TDRD3: variants seen among roughly 807,000 people sequenced by gnomAD.
The protein encoded by TDRD3 is tudor domain containing 3.
In TDRD3, 45 loss-of-function variants were observed where a neutral mutation model predicts 86.7. That is an observed-to-expected ratio of 0.52 (90% confidence interval 0.41 to 0.67). The LOEUF is 0.67. Among genes scored for constraint, TDRD3 ranks in the 30% least tolerant of loss-of-function variants. The pLI is 0.00. For missense variants in TDRD3, 814 were observed against 889.0 expected (o/e 0.92, Z 1.07); for synonymous variants, 298 against 301.7 (o/e 0.99, Z 0.13).
At chr13:60,490,499 T>A (rs1481484918) in intron 7 of TDRD3, among the ~76,000 whole-genome samples, 1 of 152,146 alleles carries the variant, frequency 6.6e-6, no homozygotes, top group Non-Finnish European at 1.5e-5. Context: ...TGTAGGGCCC[T>A]GTAAACTATT....
chr13:60,481,905 A>G (rs1425291434), intron 5 of TDRD3, among the ~76,000 whole-genome samples: 1 of 152,200 alleles, frequency 6.6e-6, no homozygotes, highest in Admixed American at 6.5e-5. Context: ...ACTTTTGATC[A>G]GTTTGACCCC....
At chr13:60,438,331 T>C (rs1482038906) in intron 1 of TDRD3, among the ~76,000 whole-genome samples, 1 of 152,152 alleles carries the variant, frequency 6.6e-6, no homozygotes, top group East Asian at 1.9e-4. Flanking sequence ...TTGTATTCCA[T>C]GGTCACTTAT....
At chr13:60,467,164 C>G (rs1463019562) in intron 4 of TDRD3, 74 bp from the exon 5 acceptor site, 1 of 1,560,312 alleles carries the variant, frequency 6.4e-7, no homozygotes, top group Non-Finnish European at 8.7e-7. Context: ...AGGCCCCGGT[C>G]TGTGTTGTTT....
chr13:60,461,390 G>A (rs1444055988), intron 4 of TDRD3, among the ~76,000 whole-genome samples: 1 of 152,130 alleles, frequency 6.6e-6, no homozygotes. Flanking sequence ...CAATGGAATG[G>A]ACGAAAACAA....
Position 60,554,413 on chromosome 13 carries a change from C to T in TDRD3, c.2119-13112C>T, listed in dbSNP as rs142385020. 9.2e-3 allele frequency among the ~76,000 whole-genome samples: 1,393 copies of T among 152,196 alleles called. 19 individuals carry two copies. Among genetic ancestry groups the T allele is most frequent in the African/African-American group, 0.032 (1,327 of 41,518 alleles). ...TCTTTGAGCCTTAATTAATAATCTCCAGTCTTACACATTGCTTTACAATAT... is the reference window on the plus strand; with the variant it reads ...TCTTTGAGCCTTAATTAATAATCTCTAGTCTTACACATTGCTTTACAATAT... On this transcript the variant is annotated intron_variant, in intron 12 of 13. Coordinates refer to ENST00000377881, the MANE Select transcript of TDRD3 (RefSeq NM_001146070.2).
At chr13:60,470,394 G>C (rs1209194784) in intron 5 of TDRD3, among the ~76,000 whole-genome samples, 1 of 152,018 alleles carries the variant, frequency 6.6e-6, no homozygotes, top group Non-Finnish European at 1.5e-5. Context: ...ATCTAGAAGT[G>C]GGATTGCTGG....
intron 1 of TDRD3, among the ~76,000 whole-genome samples, chr13:60,421,620 T>A (rs1954661823): frequency 1.3e-5 from 2 of 152,190 alleles, no homozygotes; most frequent in Admixed American, 1.3e-4. Flanking sequence ...CCCCAAACTA[T>A]ACGGATGACT....
At chr13:60,555,601 G>T (rs1958164555) in intron 12 of TDRD3, among the ~76,000 whole-genome samples, 1 of 152,092 alleles carries the variant, frequency 6.6e-6, no homozygotes, top group South Asian at 2.1e-4. Flanking sequence ...GGAGGTAAAT[G>T]ATACCAACGT....
chr13:60,421,761 T>C (rs1034101612), intron 1 of TDRD3, among the ~76,000 whole-genome samples: 1 of 152,170 alleles, frequency 6.6e-6, no homozygotes, highest in Non-Finnish European at 1.5e-5. Context: ...CACACACTCC[T>C]GTGCCAATCT....
At chr13:60,437,497 T>G (rs1264194466) in intron 1 of TDRD3, among the ~76,000 whole-genome samples, 1 of 151,952 alleles carries the variant, frequency 6.6e-6, no homozygotes, top group African/African-American at 2.4e-5. Context: ...TAACTTTGCA[T>G]CTTCTAAATT....
intron 1 of TDRD3, among the ~76,000 whole-genome samples, chr13:60,398,658 T>C (rs1359029576): frequency 6.6e-6 from 1 of 152,238 alleles, no homozygotes; most frequent in Non-Finnish European, 1.5e-5. Context: ...AAAGAGCTGT[T>C]AAGTAACTTT....
intron 1 of TDRD3, among the ~76,000 whole-genome samples, chr13:60,401,097 G>C (rs188090533): frequency 1.3e-5 from 2 of 152,146 alleles, no homozygotes; most frequent in Admixed American, 1.3e-4. Context: ...GCCTTGCAGT[G>C]AATCAACTAA....
In TDRD3 at chr13:60,569,100, C is replaced by G. The variant is rs577497858; in HGVS notation, c.*9+1450C>G. Among the ~76,000 whole-genome samples, 8 of 152,250 alleles carry G rather than the reference C, an allele frequency of 5.3e-5. No individual in the cohort carries two copies. The East Asian group carries it at 1.5e-3, about 29-fold the overall frequency. ...CCTGCCATCTCAGCCTCCCTAGTAG[C>G]TGGGACCACAGGTGCACACCACCAT... On this transcript the variant is annotated intron_variant, in intron 13 of 13. Transcript: ENST00000377881.
chr13:60,464,538 ATATGTATG>A (rs1331034714), intron 4 of TDRD3, among the ~76,000 whole-genome samples: 1 of 152,146 alleles, frequency 6.6e-6, no homozygotes, highest in Non-Finnish European at 1.5e-5. Flanking sequence ...TAAAGAAAAC[ATATGTATG>A]TATGTATATG....
At chr13:60,439,846 TG>T in intron 2 of TDRD3, 74 bp downstream of exon 2, 1 of 987,872 alleles carries the variant, frequency 1.0e-6, no homozygotes. Flanking sequence ...CAGAGTAAAT[TG>T]GGTTATATGA....
intron 3 of TDRD3, among the ~76,000 whole-genome samples, chr13:60,448,146 T>C (rs940010540): frequency 2.0e-5 from 3 of 152,146 alleles, no homozygotes; most frequent in African/African-American, 7.2e-5. Flanking sequence ...AATGCTGTTT[T>C]CAGCATTTGG....
At chr13:60,461,946 C>T (rs1347997653) in intron 4 of TDRD3, among the ~76,000 whole-genome samples, 1 of 152,098 alleles carries the variant, frequency 6.6e-6, no homozygotes, top group African/African-American at 2.4e-5. Flanking sequence ...AGTGGGTATG[C>T]GAGAGGAAAT....
At chr13:60,455,040 A>G (rs1955634808) in intron 3 of TDRD3, among the ~76,000 whole-genome samples, 1 of 152,022 alleles carries the variant, frequency 6.6e-6, no homozygotes, top group African/African-American at 2.4e-5. Context: ...CAGCCTCCCA[A>G]GTAGCTGGGA....
At chr13:60,556,281 T>C (rs1335047463) in intron 12 of TDRD3, among the ~76,000 whole-genome samples, 1 of 152,222 alleles carries the variant, frequency 6.6e-6, no homozygotes, top group African/African-American at 2.4e-5. Flanking sequence ...CATTTAGATG[T>C]TACCCTTTTA....
Sources: gnomAD v4.1 joint callset for allele counts (sites outside exome capture counted in the v4.1 genomes callset) on GRCh38, gnomAD v4.1.1 for gene constraint, MANE v1.5 for transcripts, NCBI Gene and HGNC (gene_info 2026-07-23, HGNC 2026-07-21) for gene names.